FAM13C: variants seen among roughly 807,000 people sequenced by gnomAD.
FAM13C encodes the protein protein FAM13C.
A neutral mutation model predicts 73.2 loss-of-function variants in FAM13C; 37 were observed. The observed-to-expected ratio is 0.51, with a 90% CI of 0.39 to 0.67. The LOEUF (loss-of-function observed/expected upper bound fraction) is 0.67, where lower values mean the gene tolerates loss of function less well. Ranked by LOEUF, FAM13C falls within the 30% of genes least tolerant of loss-of-function variation. The pLI is 0.00. For missense variants in FAM13C, 589 were observed against 715.6 expected (o/e 0.82, Z 2.02); for synonymous variants, 246 against 260.9 (o/e 0.94, Z 0.55).
chr10:59,336,369 G>A (rs1319865902), intron 3 of FAM13C, among the ~76,000 whole-genome samples: 2 of 152,156 alleles, frequency 1.3e-5, no homozygotes, highest in Admixed American at 1.3e-4. Context: ...GTGAATCTTA[G>A]GATGGATGAA....
chr10:59,344,529 G>A (rs961603643), intron 3 of FAM13C, among the ~76,000 whole-genome samples: 4 of 149,636 alleles, frequency 2.7e-5, no homozygotes, highest in Middle Eastern at 3.3e-3. Flanking sequence ...TGATCCGCCC[G>A]TCTCAGCCTC....
At position 59,270,153 on chromosome 10, in the gene FAM13C, G is replaced by A. The variant is rs761197844; in HGVS notation, c.593-44C>T. 8.3e-6 allele frequency: 13 copies of A among 1,564,778 alleles called. No individual in the cohort carries two copies. In the Admixed American group the frequency reaches 1.9e-4, roughly 22 times the overall value. On this transcript the variant is annotated intron_variant, in intron 6 of 13. Transcript: ENST00000618804. ...TCATCAAGACTTAGAAGTGACAGAG[G>A]GCTTGAGACTGTCATGTTCCTAAAT...
intron 3 of FAM13C, among the ~76,000 whole-genome samples, chr10:59,336,715 T>C (rs1278065872): frequency 1.3e-5 from 2 of 152,204 alleles, no homozygotes; most frequent in Non-Finnish European, 2.9e-5. Flanking sequence ...GCAGCCAAAA[T>C]AGAATGACAA....
intron 5 of FAM13C, 40 bp from the exon 6 acceptor site, chr10:59,283,487 G>C: frequency 6.3e-7 from 1 of 1,598,680 alleles, no homozygotes; most frequent in Middle Eastern, 1.7e-4. Context: ...CAGATTCGAG[G>C]GCTTGCAGCT....
chr10:59,262,015 C>T (rs1269805186), intron 10 of FAM13C, among the ~76,000 whole-genome samples: 2 of 152,068 alleles, frequency 1.3e-5, no homozygotes, highest in African/African-American at 4.8e-5. Context: ...AAACACCAAA[C>T]AAATTTCCTT....
At chr10:59,268,472 C>T in intron 8 of FAM13C, 81 bp downstream of exon 8, 9 of 1,564,860 alleles carry the variant, frequency 5.8e-6, no homozygotes, top group South Asian at 3.7e-5. Flanking sequence ...AGAAGGGCAC[C>T]CAGAAAGGAA....
At chr10:59,319,695 G>A (rs977316253) in intron 4 of FAM13C, among the ~76,000 whole-genome samples, 1 of 152,182 alleles carries the variant, frequency 6.6e-6, no homozygotes, top group African/African-American at 2.4e-5. Context: ...TAAGGGAAGA[G>A]AGAACTTGAG....
At chr10:59,323,101 A>G (rs1046745931) in intron 4 of FAM13C, 16 of 152,246 alleles carry the variant, frequency 1.1e-4, no homozygotes, top group Admixed American at 7.9e-4. Flanking sequence ...GTTGATTTAG[A>G]CTGTGCTGCC....
At chr10:59,275,690 G>T (rs1433242376) in intron 6 of FAM13C, among the ~76,000 whole-genome samples, 3 of 152,138 alleles carry the variant, frequency 2.0e-5, no homozygotes, top group African/African-American at 7.2e-5. Context: ...TGGAGTCAGA[G>T]GCTTGGGCTT....
intron 3 of FAM13C, among the ~76,000 whole-genome samples, chr10:59,329,448 G>T (rs111583327): frequency 0.067 from 9,027 of 135,646 alleles, 802 homozygotes; most frequent in African/African-American, 0.21. Context: ...CAAATTCTGC[G>T]TCCCAGGTTC....
intron 4 of FAM13C, among the ~76,000 whole-genome samples, chr10:59,303,202 G>A (rs1264264921): frequency 6.6e-6 from 1 of 152,054 alleles, no homozygotes; most frequent in African/African-American, 2.4e-5. Flanking sequence ...TCTCCCCTGG[G>A]ATCTGCATAC....
At chr10:59,318,180 T>G (rs987595534) in intron 4 of FAM13C, among the ~76,000 whole-genome samples, 2 of 150,156 alleles carry the variant, frequency 1.3e-5, no homozygotes, top group African/African-American at 2.5e-5. Context: ...GCATTTTGAA[T>G]GAGAGAATGT....
intron 5 of FAM13C, among the ~76,000 whole-genome samples, chr10:59,298,499 G>A (rs1847181986): frequency 6.6e-6 from 1 of 152,164 alleles, no homozygotes. Flanking sequence ...GTATGATGAT[G>A]ACATAAGAGT....
At chr10:59,344,272 A>C (rs1294632910) in intron 3 of FAM13C, among the ~76,000 whole-genome samples, 1 of 107,620 alleles carries the variant, frequency 9.3e-6, no homozygotes, top group Non-Finnish European at 1.9e-5. Context: ...TCTATAAACT[A>C]CTTCTTTTTT....
intron 4 of FAM13C, among the ~76,000 whole-genome samples, chr10:59,322,912 C>A (rs569812990): frequency 6.6e-6 from 1 of 152,304 alleles, no homozygotes; most frequent in African/African-American, 2.4e-5. Context: ...TAAGAGTAAA[C>A]ACATAAAAGA....
chr10:59,262,391 T>C, intron 10 of FAM13C, 43 bp downstream of exon 10: 1 of 1,551,560 alleles, frequency 6.4e-7, no homozygotes, highest in Non-Finnish European at 8.9e-7. Context: ...TAGCACTGTG[T>C]GGACTACAGG....
intron 10 of FAM13C, among the ~76,000 whole-genome samples, chr10:59,258,690 G>C (rs915096534): frequency 6.6e-6 from 1 of 151,966 alleles, no homozygotes; most frequent in African/African-American, 2.4e-5. Flanking sequence ...ATGTGAGAAA[G>C]TATTATCTAT....
chr10:59,311,655 C>T (rs969652671), intron 4 of FAM13C, among the ~76,000 whole-genome samples: 5 of 152,182 alleles, frequency 3.3e-5, no homozygotes, highest in Admixed American at 3.3e-4. Context: ...AGTTTTTTGC[C>T]AGACAGGGCT....
chr10:59,276,318 A>C (rs1844318891), intron 6 of FAM13C, among the ~76,000 whole-genome samples: 1 of 152,180 alleles, frequency 6.6e-6, no homozygotes, highest in African/African-American at 2.4e-5. Flanking sequence ...TTCAAAGACA[A>C]ATGTAAGCAT....
Sources: allele counts gnomAD v4.1 joint callset (sites outside exome capture counted in the v4.1 genomes callset), GRCh38; gene constraint gnomAD v4.1.1; transcripts MANE v1.5; gene names NCBI Gene and HGNC (gene_info 2026-07-23, HGNC 2026-07-21).